GRIA4: variants seen among roughly 807,000 people sequenced by gnomAD.
The protein encoded by GRIA4 is glutamate receptor 4.
Under a neutral mutation model 104.0 loss-of-function variants are expected in GRIA4, and 34 were observed. That is an observed-to-expected ratio of 0.33 (90% CI 0.25 to 0.44). The LOEUF (loss-of-function observed/expected upper bound fraction) is 0.44. Among genes scored for constraint, GRIA4 ranks in the 20% least tolerant of loss-of-function variants. GRIA4 has a pLI of 1.00. For missense variants in GRIA4, 750 were observed against 1,096.5 expected (o/e 0.68, Z 4.46); for synonymous variants, 386 against 381.9 (o/e 1.01, Z -0.13).
chr11:105,640,812 T>A (rs892324400), intron 3 of GRIA4, among the ~76,000 whole-genome samples: 2 of 152,058 alleles, frequency 1.3e-5, no homozygotes, highest in African/African-American at 2.4e-5. Context: ...TAGAATTAGA[T>A]AACTAGTCAT....
chr11:105,727,318 T>A (rs571435746), intron 3 of GRIA4, among the ~76,000 whole-genome samples: 2 of 151,754 alleles, frequency 1.3e-5, no homozygotes, highest in South Asian at 4.2e-4. Flanking sequence ...AAATAAAGCA[T>A]GAAGACAAGA....
At chr11:105,822,597 T>G (rs1381141381) in intron 4 of GRIA4, among the ~76,000 whole-genome samples, 1 of 152,192 alleles carries the variant, frequency 6.6e-6, no homozygotes, top group South Asian at 2.1e-4. Context: ...GTTCATGTGC[T>G]TCTTCAATTA....
At chr11:105,878,719 G>C (rs1196084271) in intron 5 of GRIA4, among the ~76,000 whole-genome samples, 1 of 152,168 alleles carries the variant, frequency 6.6e-6, no homozygotes, top group Non-Finnish European at 1.5e-5. Flanking sequence ...ACAATGTGGG[G>C]TAATGGCAGA....
intron 14 of GRIA4, among the ~76,000 whole-genome samples, chr11:105,953,760 T>C (rs1948517944): frequency 6.6e-6 from 1 of 152,042 alleles, no homozygotes. Context: ...AAAATAAATA[T>C]GTAGCATGAT....
chr11:105,722,969 T>A (rs1187750977), intron 3 of GRIA4, among the ~76,000 whole-genome samples: 2 of 152,166 alleles, frequency 1.3e-5, no homozygotes, highest in Admixed American at 1.3e-4. Context: ...TAAATGATTT[T>A]TACTTAACTA....
Position 105,760,037 on chromosome 11 carries a change from A to C in GRIA4, c.487+6817A>C, listed in dbSNP as rs146188303. Among the ~76,000 whole-genome samples the C allele has an allele frequency of 6.9e-3, 1,057 of 152,252 alleles. 23 individuals carry two copies. Among genetic ancestry groups the C allele is most frequent in the African/African-American group, 0.025 (1,018 of 41,540 alleles). ...ATATAACAATGACTTCAAAATCTGT[A>C]TTTAGAACTCATTCCTCTCCCCGAG... On this transcript the variant is annotated intron_variant, in intron 4 of 16. Coordinates refer to ENST00000282499, the MANE Select transcript of GRIA4 (RefSeq NM_000829.4).
At chr11:105,787,234 AAATT>A in intron 4 of GRIA4, among the ~76,000 whole-genome samples, 1 of 152,274 alleles carries the variant, frequency 6.6e-6, no homozygotes, top group African/African-American at 2.4e-5. Flanking sequence ...ATTAATTAAT[AAATT>A]ATTATATAAA....
chr11:105,952,213 A>G (rs1948471626), intron 14 of GRIA4, among the ~76,000 whole-genome samples: 5 of 152,180 alleles, frequency 3.3e-5, no homozygotes, highest in Admixed American at 3.3e-4. Context: ...TATATTTTTA[A>G]TCTGTGTTCA....
chr11:105,686,530 A>G (rs553844305), intron 3 of GRIA4, among the ~76,000 whole-genome samples: 2 of 152,292 alleles, frequency 1.3e-5, no homozygotes, highest in East Asian at 3.9e-4. Flanking sequence ...AGCTGCAATA[A>G]TCATGTAAGT....
chr11:105,829,882 GGAGAAA>G (rs1280996167), intron 4 of GRIA4, among the ~76,000 whole-genome samples: 1 of 151,838 alleles, frequency 6.6e-6, no homozygotes, highest in Non-Finnish European at 1.5e-5. Context: ...AATGTGAATT[GGAGAAA>G]GAGAAAATGT....
intron 14 of GRIA4, among the ~76,000 whole-genome samples, chr11:105,959,100 T>G (rs1217353580): frequency 1.3e-5 from 2 of 152,166 alleles, no homozygotes; most frequent in Non-Finnish European, 2.9e-5. Context: ...GGGGTTGATC[T>G]TCTCATGGGA....
At chr11:105,829,538 C>A (rs1398766437) in intron 4 of GRIA4, among the ~76,000 whole-genome samples, 1 of 151,914 alleles carries the variant, frequency 6.6e-6, no homozygotes, top group Non-Finnish European at 1.5e-5. Flanking sequence ...AGTGAAGGGA[C>A]TTTGCCAGGC....
At chr11:105,809,380 T>C (rs1486054276) in intron 4 of GRIA4, among the ~76,000 whole-genome samples, 1 of 152,156 alleles carries the variant, frequency 6.6e-6, no homozygotes, top group Non-Finnish European at 1.5e-5. Context: ...GATTTACCCT[T>C]CTAGTTATTT....
intron 3 of GRIA4, 107 bp from the exon 4 acceptor site, chr11:105,752,874 C>A: frequency 2.0e-6 from 2 of 993,242 alleles, no homozygotes; most frequent in Non-Finnish European, 3.1e-6. Flanking sequence ...CCTGACAGAT[C>A]CAATGATTCA....
chr11:105,969,394 C>T (rs1484302883), intron 14 of GRIA4, among the ~76,000 whole-genome samples: 1 of 152,124 alleles, frequency 6.6e-6, no homozygotes, highest in Admixed American at 6.5e-5. Context: ...ACCAGTTGAA[C>T]ATTAATTATG....
At chr11:105,732,886 A>G (rs1365940501) in intron 3 of GRIA4, among the ~76,000 whole-genome samples, 2 of 152,206 alleles carry the variant, frequency 1.3e-5, no homozygotes, top group Admixed American at 1.3e-4. Context: ...AGCAGAAAAG[A>G]ATGACTAACA....
At chr11:105,749,987 A>G (rs1386217928) in intron 3 of GRIA4, among the ~76,000 whole-genome samples, 1 of 152,058 alleles carries the variant, frequency 6.6e-6, no homozygotes, top group Non-Finnish European at 1.5e-5. Context: ...TTTCCCTTTT[A>G]TGTATTCTGA....
intron 3 of GRIA4, among the ~76,000 whole-genome samples, chr11:105,709,691 A>T (rs1308177796): frequency 2.0e-5 from 3 of 152,034 alleles, no homozygotes; most frequent in Non-Finnish European, 4.4e-5. Context: ...GACACCCAGG[A>T]GGAGGAGGTG....
chr11:105,766,114 A>G (rs1565529244), intron 4 of GRIA4, among the ~76,000 whole-genome samples: 1 of 152,310 alleles, frequency 6.6e-6, no homozygotes, highest in East Asian at 1.9e-4. Context: ...TACACCTAAC[A>G]AAGCATTAGT....
Sources: gnomAD v4.1 joint callset for allele counts (sites outside exome capture counted in the v4.1 genomes callset) on GRCh38, gnomAD v4.1.1 for gene constraint, MANE v1.5 for transcripts, NCBI Gene and HGNC (gene_info 2026-07-23, HGNC 2026-07-21) for gene names.